The following CROCC2 variants were observed in gnomAD, a reference collection of about 807,000 sequenced individuals.
The protein encoded by CROCC2 is ciliary rootlet coiled-coil, rootletin family member 2.
In CROCC2, 163 loss-of-function variants were observed where a neutral mutation model predicts 177.6. The observed-to-expected ratio is 0.92, with a 90% CI of 0.81 to 1.05. The LOEUF (loss-of-function observed/expected upper bound fraction) is 1.05. CROCC2 is among the 50% of genes least tolerant of loss of function. The probability of loss-of-function intolerance (pLI) is 0.00; values close to 1 mark genes in which losing one functional copy is unlikely to be tolerated. For synonymous variants in CROCC2, 904 were observed against 787.3 expected (o/e 1.15, Z -2.48); for missense variants, 1,929 against 1,797.8 (o/e 1.07, Z -1.32).
intron 15 of CROCC2, 86 bp downstream of exon 15, chr2:240,946,339 G>A (rs575175887): frequency 1.6e-5 from 21 of 1,295,728 alleles, no homozygotes; most frequent in East Asian, 7.7e-5. Context: ...GGGGACAATC[G>A]CACCATGACA....
At position 240,958,698 on chromosome 2, in the gene CROCC2, G is replaced by T; in HGVS notation, c.2944-603G>T. The stretch of plus-strand genomic sequence containing the variant: ...TGTTGAGGACACTGAGGCCCAGGAA[G>T]CTGAGACCCCCTGAGCCCCATCTGC... On this transcript the variant is annotated intron_variant, in intron 19 of 31. Coordinates refer to ENST00000690015, the MANE Select transcript of CROCC2 (RefSeq NM_001351305.2). The surrounding 1 kb of genome is among the most constrained non-coding windows in gnomAD (Gnocchi z 6.7). 1.6e-6 allele frequency: 1 copy of T among 623,166 alleles called. No homozygotes were observed. Among genetic ancestry groups the T allele is most frequent in the Non-Finnish European group, 2.0e-6 (1 of 498,656 alleles). 38.6% of individuals were successfully genotyped at this position (623,166 alleles called of 1,614,324 possible).
intron 25 of CROCC2, 81 bp downstream of exon 25, chr2:240,966,490 G>A (rs942983566): frequency 1.3e-5 from 5 of 398,466 alleles, no homozygotes; most frequent in African/African-American, 4.1e-5. Flanking sequence ...CCATCCATCC[G>A]CGCGTCCCTG....
chr2:240,988,866 T>G lies in CROCC2; in HGVS notation c.4679T>G (p.Leu1560Arg). The change falls in exon 29 of 32, where the codon CTG (leucine) becomes CGG (arginine). Residue 1560 changes from leucine to arginine, a missense_variant. Physicochemically the swap from Leu to Arg is moderately radical, Grantham distance 102 (BLOSUM62 -2). This residue lies in a region of CROCC2 where 388 missense variants were observed against 352.7 expected (regional missense o/e 1.10). Coordinates refer to ENST00000690015, the MANE Select transcript of CROCC2 (RefSeq NM_001351305.2). ...GGAGCCCTGAGGCAAAATCAGCAGC[T>G]GCAGGTCAACTGGGCCAGTGGAGCT... Reference protein sequence around the residue: ...VDGALRQNQQLQAQMTEMEQA... With the variant: ...VDGALRQNQQRQAQMTEMEQA... 1.4e-6 allele frequency: 2 copies of G among 1,478,614 alleles called. No homozygotes were observed. The highest frequency in any genetic ancestry group is 1.8e-6 in the Non-Finnish European group (2 of 1,106,076). 91.6% of individuals were successfully genotyped at this position (1,478,614 alleles called of 1,614,324 possible).
intron 6 of CROCC2, among the ~76,000 whole-genome samples, chr2:240,930,704 G>A (rs1300721887): frequency 3.3e-5 from 5 of 152,028 alleles, no homozygotes; most frequent in Admixed American, 2.0e-4. Flanking sequence ...TCGATGACTC[G>A]GTGAAGGCTG....
chr2:240,933,014 C>T, intron 9 of CROCC2, 106 bp downstream of exon 9: 7 of 1,017,058 alleles, frequency 6.9e-6, no homozygotes, highest in Non-Finnish European at 9.7e-6. Context: ...CCCATGGCTC[C>T]AGGGAGGGGC....
chr2:240,919,743 T>C (rs566511597), intron 2 of CROCC2, among the ~76,000 whole-genome samples: 14 of 103,140 alleles, frequency 1.4e-4, no homozygotes, highest in South Asian at 3.4e-4. Context: ...TGGGTCTGCA[T>C]TGGGGTTCGA....
At chr2:240,951,023 T>TCATC (rs553975752) in intron 18 of CROCC2, 6,058 of 147,664 alleles carry the variant, frequency 0.041, 423 homozygotes, top group African/African-American at 0.15. Context: ...ATTCACCTCC[T>TCATC]CATCCATCCA....
chr2:240,959,638 A>T, intron 20 of CROCC2, 194 bp downstream of exon 20: 1 of 643,958 alleles, frequency 1.6e-6, no homozygotes, highest in East Asian at 3.1e-5. Flanking sequence ...CACACCACGC[A>T]CTAAGCCAAG....
rs75160516 is a variant in CROCC2, at chr2:240,922,217, C to T, written c.382-322C>T. Among the ~76,000 whole-genome samples the T allele has an allele frequency of 0.014, 2,067 of 152,338 alleles. 88 individuals carry two copies. The East Asian group carries it at 0.15, about 11-fold the overall frequency. ...GAAATGTGGGCATGCTCCAGCAGCC[C>T]CCAGAGCTATGCCCCCACTGGGCCA... is the stretch of plus-strand genomic sequence containing the variant. On this transcript the variant is annotated intron_variant, in intron 3 of 31. Transcript: ENST00000690015.
At chr2:240,940,049 G>A (rs1056393307) in intron 14 of CROCC2, among the ~76,000 whole-genome samples, 1 of 152,112 alleles carries the variant, frequency 6.6e-6, no homozygotes, top group African/African-American at 2.4e-5. Context: ...TAGTAGTGCT[G>A]TTTAAATCTT....
At chr2:240,970,779 G>A (rs950628696) in intron 27 of CROCC2, among the ~76,000 whole-genome samples, 5 of 152,308 alleles carry the variant, frequency 3.3e-5, no homozygotes, top group Admixed American at 6.5e-5. Context: ...TCTACCCACA[G>A]CAGCCCACAC....
chr2:240,974,271 C>CT (rs2059743645), intron 27 of CROCC2, among the ~76,000 whole-genome samples: 1 of 151,612 alleles, frequency 6.6e-6, no homozygotes, highest in Non-Finnish European at 1.5e-5. Flanking sequence ...ATCAATGTAT[C>CT]TCTTCTTTTA....
intron 20 of CROCC2, chr2:240,963,303 T>G: frequency 2.0e-6 from 1 of 505,268 alleles, no homozygotes; most frequent in Non-Finnish European, 3.5e-6. Flanking sequence ...GGCCGCAGCG[T>G]GGGGCCGGGC....
intron 14 of CROCC2, among the ~76,000 whole-genome samples, chr2:240,943,025 T>C (rs1244548572): frequency 6.6e-6 from 1 of 152,130 alleles, no homozygotes; most frequent in Non-Finnish European, 1.5e-5. Context: ...TTTATTTTAT[T>C]TTCTGAGACA....
At chr2:240,971,209 C>T (rs1271908953) in intron 27 of CROCC2, among the ~76,000 whole-genome samples, 1 of 152,232 alleles carries the variant, frequency 6.6e-6, no homozygotes, top group African/African-American at 2.4e-5. Context: ...GTGAGACCCA[C>T]CTGGGTGGTC....
chr2:240,983,490 G>T, intron 28 of CROCC2: 1 of 1,241,234 alleles, frequency 8.1e-7, no homozygotes, highest in Non-Finnish European at 1.0e-6. Context: ...GCGGAGAGGC[G>T]CGTCCTGCAG....
At chr2:240,909,873 C>A (rs1249178384) in intron 1 of CROCC2, among the ~76,000 whole-genome samples, 1 of 152,180 alleles carries the variant, frequency 6.6e-6, no homozygotes, top group Non-Finnish European at 1.5e-5. Flanking sequence ...CGTAGGGACA[C>A]TCCACCCTCC....
intron 18 of CROCC2, 97 bp downstream of exon 18, chr2:240,950,607 A>T: frequency 7.8e-7 from 1 of 1,286,544 alleles, no homozygotes; most frequent in Non-Finnish European, 1.1e-6. Flanking sequence ...CACCTTAGGC[A>T]GGTCCAACCG....
At position 240,922,585 on chromosome 2, in the gene CROCC2, A is replaced by C; in HGVS notation, c.428A>C (p.Glu143Ala). Reference sequence around the variant, plus strand: ...ACCGAGGCTCAGCTGCGGAGGTCAGAGCTGGAGCACAGCGTGGATCTGGAG... The same window carrying C: ...ACCGAGGCTCAGCTGCGGAGGTCAGCGCTGGAGCACAGCGTGGATCTGGAG... ...ETTEAQLRRS[E>A]LEHSVDLEEA... Residue 143 changes from glutamate to alanine, a missense_variant, in exon 4 of 32, where the codon GAG becomes GCG. Transcript: ENST00000690015. 1.4e-6 allele frequency: 1 copy of C among 694,694 alleles called. No homozygotes were observed. The highest frequency in any genetic ancestry group is 2.7e-6 in the Non-Finnish European group (1 of 371,924). 43.0% of individuals were successfully genotyped at this position (694,694 alleles called of 1,614,324 possible).
Sources: allele counts gnomAD v4.1 joint callset (sites outside exome capture counted in the v4.1 genomes callset), GRCh38; gene constraint gnomAD v4.1.1; regional missense constraint gnomAD v4.1.1; non-coding constraint Gnocchi (gnomAD v3.1); transcripts MANE v1.5; gene names NCBI Gene and HGNC (gene_info 2026-07-23, HGNC 2026-07-21).